Variants in SCML4 observed in about 807,000 individuals in gnomAD.
The protein encoded by SCML4 is sex comb on midleg-like protein 4.
SCML4 carries 34 observed loss-of-function variants against 41.1 expected under a neutral mutation model. The ratio of observed to expected loss-of-function variants is 0.83; its 90% CI spans 0.63 to 1.10. SCML4 has a LOEUF of 1.10. SCML4 is among the 50% of genes least tolerant of loss of function. The probability of loss-of-function intolerance (pLI) is 0.00; values close to 1 mark genes in which losing one functional copy is unlikely to be tolerated. For missense variants in SCML4, 522 were observed against 534.1 expected (o/e 0.98, Z 0.22); for synonymous variants, 214 against 220.9 (o/e 0.97, Z 0.28).
At chr6:107,728,652 C>T (rs922741339) in intron 5 of SCML4, among the ~76,000 whole-genome samples, 4 of 152,016 alleles carry the variant, frequency 2.6e-5, no homozygotes, top group Admixed American at 6.6e-5. Flanking sequence ...TACTGATGCC[C>T]GTGGGTGAGA....
intron 2 of SCML4, among the ~76,000 whole-genome samples, chr6:107,763,784 A>G (rs548071662): frequency 1.7e-4 from 26 of 152,340 alleles, no homozygotes; most frequent in African/African-American, 6.3e-4. Context: ...TTGCCAAGAC[A>G]GCCCTCACAG....
At chr6:107,805,991 C>T (rs1048394005) in intron 1 of SCML4, among the ~76,000 whole-genome samples, 1 of 152,200 alleles carries the variant, frequency 6.6e-6, no homozygotes, top group Admixed American at 6.5e-5. Flanking sequence ...CCATCAAGCT[C>T]AGAGAAGTGG....
intron 5 of SCML4, among the ~76,000 whole-genome samples, chr6:107,728,335 G>C (rs1776198709): frequency 6.6e-6 from 1 of 152,138 alleles, no homozygotes. Flanking sequence ...CAGCGGCCAG[G>C]CACCGTGGCT....
intron 2 of SCML4, among the ~76,000 whole-genome samples, chr6:107,771,598 C>T (rs1174882179): frequency 6.6e-6 from 1 of 152,164 alleles, no homozygotes; most frequent in Non-Finnish European, 1.5e-5. Context: ...GCCTGATATG[C>T]CTCCTTGTAG....
At chr6:107,797,187 C>T (rs1362577331) in intron 1 of SCML4, among the ~76,000 whole-genome samples, 2 of 152,024 alleles carry the variant, frequency 1.3e-5, no homozygotes, top group African/African-American at 4.8e-5. Flanking sequence ...AACCTGCTGG[C>T]ATTTTCATTA....
intron 7 of SCML4, among the ~76,000 whole-genome samples, chr6:107,706,976 G>C (rs189662268): frequency 6.6e-6 from 1 of 152,118 alleles, no homozygotes; most frequent in African/African-American, 2.4e-5. Flanking sequence ...CCCCAGAGTG[G>C]TAAGACAGAG....
chr6:107,797,829 C>A (rs1782822242), intron 1 of SCML4, among the ~76,000 whole-genome samples: 1 of 151,680 alleles, frequency 6.6e-6, no homozygotes, highest in South Asian at 2.1e-4. Flanking sequence ...TTTTTTTAAT[C>A]GTGAACAGAC....
intron 1 of SCML4, among the ~76,000 whole-genome samples, chr6:107,777,275 G>A (rs775093830): frequency 5.9e-5 from 9 of 152,080 alleles, no homozygotes; most frequent in African/African-American, 1.2e-4. Flanking sequence ...TGGCCATCAC[G>A]CCTGGCTAAT....
At chr6:107,724,158 C>G (rs1050517487) in intron 5 of SCML4, among the ~76,000 whole-genome samples, 2 of 152,070 alleles carry the variant, frequency 1.3e-5, no homozygotes, top group African/African-American at 4.8e-5. Flanking sequence ...AGGGAATTTC[C>G]TCAATCTGAC....
In SCML4 at chr6:107,772,324, G is replaced by A; in HGVS notation, c.4C>T (p.Gln2Ter). The A allele has an allele frequency of 6.5e-7, 1 of 1,549,076 alleles. No individual in the cohort carries two copies. Among genetic ancestry groups the A allele is most frequent in the South Asian group, 1.2e-5 (1 of 83,504 alleles). Residue 2 changes from glutamine to a stop codon, truncating the protein, a stop_gained, in exon 2 of 8, where the codon CAG (glutamine) becomes TAG (stop). Transcript: ENST00000369020. LOFTEE classifies it high-confidence loss of function. M[Q>*]SQRIPGRKRG... ...TTTCTCCCCGGGATCCTTTGAGACT[G>A]CATTTCTGCTGGTGCCAGTCTTACA...
At chr6:107,804,260 T>TGTGTGTGTGC (rs1448528178) in intron 1 of SCML4, among the ~76,000 whole-genome samples, 56 of 151,766 alleles carry the variant, frequency 3.7e-4, no homozygotes, top group African/African-American at 1.2e-3. Context: ...TGTGTGTGTG[T>TGTGTGTGTGC]GCACAACTTG....
chr6:107,751,650 T>TTTCTTTC (rs1778698034), intron 2 of SCML4, among the ~76,000 whole-genome samples: 1 of 88,854 alleles, frequency 1.1e-5, no homozygotes, highest in Non-Finnish European at 2.4e-5. Flanking sequence ...TTCTTTCTTT[T>TTTCTTTC]TTGAGAGGGA....
intron 2 of SCML4, among the ~76,000 whole-genome samples, chr6:107,766,199 G>A (rs902811301): frequency 7.9e-5 from 12 of 152,006 alleles, no homozygotes; most frequent in African/African-American, 2.7e-4. Flanking sequence ...GTGAAATCCC[G>A]TCTCTACTAA....
chr6:107,822,511 T>TTTTTTTTC, intron 1 of SCML4, among the ~76,000 whole-genome samples: 1 of 37,822 alleles, frequency 2.6e-5, no homozygotes, highest in African/African-American at 4.6e-5. Context: ...TTCTTTTCTT[T>TTTTTTTTC]TTTTTTTTTT....
intron 2 of SCML4, among the ~76,000 whole-genome samples, chr6:107,761,510 T>C (rs1382115681): frequency 1.3e-5 from 2 of 151,832 alleles, no homozygotes; most frequent in African/African-American, 2.4e-5. Flanking sequence ...AATCTCGGCT[T>C]ACTGCAACCA....
At chr6:107,817,984 T>C (rs959688142) in intron 1 of SCML4, among the ~76,000 whole-genome samples, 1 of 152,204 alleles carries the variant, frequency 6.6e-6, no homozygotes, top group Non-Finnish European at 1.5e-5. Flanking sequence ...TCTTTATTTA[T>C]GTTAAGTCTC....
chr6:107,798,897 G>T (rs1461773291), intron 1 of SCML4, among the ~76,000 whole-genome samples: 1 of 151,894 alleles, frequency 6.6e-6, no homozygotes, highest in East Asian at 1.9e-4. Flanking sequence ...ACATATTTGG[G>T]GTTTTCCTGA....
chr6:107,833,504 T>C, the SCML4 span, among the ~76,000 whole-genome samples: 5 of 152,134 alleles, frequency 3.3e-5, no homozygotes, highest in Non-Finnish European at 7.4e-5. Flanking sequence ...GAAGAGTGTC[T>C]GGACTGCTTC....
intron 1 of SCML4, among the ~76,000 whole-genome samples, chr6:107,813,379 T>A (rs1359412802): frequency 0.23 from 4,261 of 18,402 alleles, 499 homozygotes; most frequent in African/African-American, 0.39. Flanking sequence ...ATTATATATA[T>A]ATATATATAT....
Sources: allele counts gnomAD v4.1 joint callset (sites outside exome capture counted in the v4.1 genomes callset), GRCh38; gene constraint gnomAD v4.1.1; transcripts MANE v1.5; gene names NCBI Gene and HGNC (gene_info 2026-07-23, HGNC 2026-07-21).